DNAAF5: variants seen among roughly 807,000 people sequenced by gnomAD.
DNAAF5 encodes the protein dynein axonemal assembly factor 5.
A neutral mutation model predicts 75.8 loss-of-function variants in DNAAF5; 64 were observed. The observed-to-expected ratio is 0.84, with a 90% CI of 0.69 to 1.04. The LOEUF (loss-of-function observed/expected upper bound fraction) is 1.04, where lower values mean the gene tolerates loss of function less well. Among genes scored for constraint, DNAAF5 ranks in the 50% least tolerant of loss-of-function variants. The pLI, the probability that DNAAF5 is intolerant of heterozygous loss-of-function variation, is 0.00. For missense variants in DNAAF5, 1,269 were observed against 1,178.5 expected (o/e 1.08, Z -1.12); for synonymous variants, 657 against 557.2 (o/e 1.18, Z -2.52).
intron 2 of DNAAF5, among the ~76,000 whole-genome samples, chr7:738,435 C>T (rs1781800855): frequency 6.6e-6 from 1 of 152,072 alleles, no homozygotes; most frequent in Non-Finnish European, 1.5e-5. Flanking sequence ...ATTTAGTTCA[C>T]TTGGTGAGGT....
intron 12 of DNAAF5, among the ~76,000 whole-genome samples, chr7:784,756 A>G (rs776195331): frequency 3.3e-5 from 5 of 152,194 alleles, no homozygotes; most frequent in Non-Finnish European, 4.4e-5. Context: ...CAAATTGGAT[A>G]AGAAAGTCGC....
chr7:750,366 G>A (rs956126401), intron 4 of DNAAF5, among the ~76,000 whole-genome samples: 2 of 152,160 alleles, frequency 1.3e-5, no homozygotes, highest in East Asian at 1.9e-4. Flanking sequence ...TTCCCAGAAC[G>A]CACCCCCCAC....
chr7:757,281 T>G (rs1782516632), intron 6 of DNAAF5, among the ~76,000 whole-genome samples: 1 of 149,850 alleles, frequency 6.7e-6, no homozygotes, highest in Non-Finnish European at 1.5e-5. Context: ...CCGCTCACGT[T>G]TACATTCGTT....
At chr7:732,073 A>T (rs544404155) in intron 2 of DNAAF5, among the ~76,000 whole-genome samples, 13 of 152,140 alleles carry the variant, frequency 8.5e-5, no homozygotes, top group Admixed American at 7.9e-4. Context: ...AAATAACTTC[A>T]TCTCCTCCTT....
chr7:773,344 G>A (rs1284763231), intron 9 of DNAAF5, among the ~76,000 whole-genome samples: 2 of 152,234 alleles, frequency 1.3e-5, no homozygotes, highest in Non-Finnish European at 2.9e-5. Flanking sequence ...CTGGAGGGCT[G>A]CGGGCTGTGG....
intron 9 of DNAAF5, chr7:770,883 A>G (rs1778539695): frequency 2.5e-6 from 1 of 403,374 alleles, no homozygotes; most frequent in African/African-American, 2.0e-5. Context: ...GGTTCCCCAC[A>G]CCAAGTCTGA....
chr7:781,059 TTA>T (rs775215997), intron 12 of DNAAF5, among the ~76,000 whole-genome samples: 4 of 152,154 alleles, frequency 2.6e-5, no homozygotes, highest in Non-Finnish European at 4.4e-5. Context: ...ATACTTTTCG[TTA>T]TGTTTAAATG....
intron 8 of DNAAF5, among the ~76,000 whole-genome samples, chr7:765,963 G>C (rs976927707): frequency 6.6e-6 from 1 of 152,276 alleles, no homozygotes; most frequent in Non-Finnish European, 1.5e-5. Flanking sequence ...TGAGTAGCTG[G>C]GACCACAGGC....
intron 6 of DNAAF5, among the ~76,000 whole-genome samples, chr7:758,468 G>A (rs917768548): frequency 1.3e-5 from 2 of 152,204 alleles, no homozygotes; most frequent in African/African-American, 2.4e-5. Flanking sequence ...CCAGTCACAC[G>A]GGACCCCTGG....
intron 11 of DNAAF5, among the ~76,000 whole-genome samples, chr7:778,863 G>A (rs1213548713): frequency 2.0e-5 from 3 of 152,296 alleles, no homozygotes; most frequent in South Asian, 2.1e-4. Context: ...GAGGGCTCCC[G>A]CTGTGCAGTG....
chr7:729,394 C>T (rs757316309), intron 1 of DNAAF5, among the ~76,000 whole-genome samples: 1 of 152,262 alleles, frequency 6.6e-6, no homozygotes, highest in Non-Finnish European at 1.5e-5. Context: ...TTTGCACCCC[C>T]AGCCTTTCCC....
intron 10 of DNAAF5, among the ~76,000 whole-genome samples, chr7:774,497 C>T (rs144629466): frequency 1.8e-3 from 274 of 152,318 alleles, no homozygotes; most frequent in South Asian, 0.015. Context: ...CGGCCCAATG[C>T]TGGCTGCAAG....
In DNAAF5 at chr7:786,278, C is replaced by G. The variant is rs1779142344; in HGVS notation, c.*625C>G. On this transcript the variant is annotated 3_prime_UTR_variant, in exon 13 of 13. Coordinates refer to ENST00000297440, the MANE Select transcript of DNAAF5 (RefSeq NM_017802.4). ...TCATGAGATCTAATTGTGGTTGCCCCTATAGGTAGCAGGAAAGTAAAGTTG... is the reference window on the plus strand; with the variant it reads ...TCATGAGATCTAATTGTGGTTGCCCGTATAGGTAGCAGGAAAGTAAAGTTG... The G allele has an allele frequency of 1.3e-5, 2 of 152,166 alleles. No individual in the cohort carries two copies. The highest frequency in any genetic ancestry group is 4.8e-5 in the African/African-American group (2 of 41,398). The allele number at this position is 152,166 out of a possible 1,614,324, so 9.4% of individuals were successfully genotyped here.
chr7:728,995 C>CTTTTTTT (rs398003363), intron 1 of DNAAF5, among the ~76,000 whole-genome samples: 1 of 125,604 alleles, frequency 8.0e-6, no homozygotes, highest in Non-Finnish European at 1.6e-5. Context: ...TTGGTTCTGA[C>CTTTTTTT]TTTTTTTTTT....
At chr7:753,404 A>G (rs992005539) in intron 4 of DNAAF5, among the ~76,000 whole-genome samples, 4 of 152,210 alleles carry the variant, frequency 2.6e-5, no homozygotes, top group Non-Finnish European at 5.9e-5. Flanking sequence ...AGGCTCTAGA[A>G]AGTGCAGCTC....
chr7:729,078 C>T (rs1482388935), intron 1 of DNAAF5, among the ~76,000 whole-genome samples: 2 of 149,408 alleles, frequency 1.3e-5, no homozygotes, highest in Non-Finnish European at 3.0e-5. Flanking sequence ...CTCACTGCAA[C>T]CTCCGCCTCC....
intron 4 of DNAAF5, among the ~76,000 whole-genome samples, chr7:746,085 T>A (rs1015626703): frequency 6.6e-6 from 1 of 152,254 alleles, no homozygotes; most frequent in African/African-American, 2.4e-5. Flanking sequence ...GTCTGTAGAT[T>A]TGAATTTTAA....
chr7:767,302 C>T (rs1479972590), intron 8 of DNAAF5, among the ~76,000 whole-genome samples: 1 of 109,388 alleles, frequency 9.1e-6, no homozygotes, highest in African/African-American at 3.4e-5. Context: ...AGTGAAATAG[C>T]TGCTGCCTAG....
chr7:726,823 C>T lies in DNAAF5; in HGVS notation c.103C>T (p.Leu35=). ...GCTGAGCCGCGCCCTGAGCCGCCTG[C>T]TGCCGGGGCTGGAGGCCGACAGCAA... ...VELSRALSRL[L]PGLEADSKPG... Residue 35 remains leucine (L), a synonymous_variant, in exon 1 of 13, where the codon CTG becomes TTG. Transcript: ENST00000297440. 4 of 1,326,430 alleles carry T rather than the reference C, an allele frequency of 3.0e-6. No homozygotes were observed. Among genetic ancestry groups the T allele is most frequent in the Non-Finnish European group, 3.8e-6 (4 of 1,041,416 alleles). 82.2% of individuals were successfully genotyped at this position (1,326,430 alleles called of 1,614,324 possible).
Sources: allele counts gnomAD v4.1 joint callset (sites outside exome capture counted in the v4.1 genomes callset), GRCh38; gene constraint gnomAD v4.1.1; transcripts MANE v1.5; gene names NCBI Gene and HGNC (gene_info 2026-07-23, HGNC 2026-07-21).